The following KCNV2 variants were observed in gnomAD, a reference collection of about 807,000 sequenced individuals.
The protein encoded by KCNV2 is potassium voltage-gated channel subfamily V member 2.
Under a neutral mutation model 37.0 loss-of-function variants are expected in KCNV2, and 65 were observed. The observed-to-expected ratio is 1.76, with a 90% CI of 1.44 to 2.16. The LOEUF (loss-of-function observed/expected upper bound fraction) is 2.16, where lower values mean the gene tolerates loss of function less well. Among genes scored for constraint, KCNV2 ranks in the 30% most tolerant of loss-of-function variants. The pLI, the probability that KCNV2 is intolerant of heterozygous loss-of-function variation, is 0.00. For synonymous variants in KCNV2, 518 were observed against 328.6 expected (o/e 1.58, Z -6.23); for missense variants, 1,232 against 766.7 (o/e 1.61, Z -7.17).
chr9:2,722,982 G>A (rs567425676), intron 1 of KCNV2, among the ~76,000 whole-genome samples: 1 of 152,194 alleles, frequency 6.6e-6, no homozygotes, highest in African/African-American at 2.4e-5. Context: ...ATTGGCCAGA[G>A]TAAGTCACAT....
rs780625453 is a variant in KCNV2, at chr9:2,718,867, G to C, written c.1128G>C (p.Leu376Phe). ...VGSVGKVGQV[L>F]RVMRLMRIFR... ...GCGTGGGTAAGGTGGGTCAGGTGTT[G>C]CGCGTCATGCGCCTCATGCGCATCT... Residue 376 changes from leucine (L) to phenylalanine (F), a missense_variant, in exon 1 of 2, where the codon TTG becomes TTC. Leu to Phe is a conservative substitution (Grantham distance 22, BLOSUM62 0). Coordinates refer to ENST00000382082, the MANE Select transcript of KCNV2 (RefSeq NM_133497.4). The C allele has an allele frequency of 6.2e-7, 1 of 1,608,900 alleles. No homozygotes were observed. Among genetic ancestry groups the C allele is most frequent in the Non-Finnish European group, 8.5e-7 (1 of 1,179,974 alleles).
rs531689254 is a variant in KCNV2, at chr9:2,718,252, G to C, written c.513G>C (p.Leu171=). ...VYNFYLSGVL[L]VLDGLCPRRF... ...ATTTCTACCTGTCCGGGGTGCTGCTGGTGCTCGACGGGCTGTGTCCGCGCC... is the reference window on the plus strand; with the variant it reads ...ATTTCTACCTGTCCGGGGTGCTGCTCGTGCTCGACGGGCTGTGTCCGCGCC... The change falls in exon 1 of 2, where the codon CTG becomes CTC. Residue 171 remains leucine, a synonymous_variant. Transcript: ENST00000382082. 1.9e-6 allele frequency: 3 copies of C among 1,613,068 alleles called. No individual in the cohort carries two copies. Among genetic ancestry groups the C allele is most frequent in the East Asian group, 4.5e-5 (2 of 44,866 alleles).
intron 1 of KCNV2, 125 bp from the exon 2 acceptor site, chr9:2,729,321 G>A (rs113883189): frequency 3.2e-5 from 32 of 1,014,294 alleles, no homozygotes; most frequent in South Asian, 2.3e-4. Flanking sequence ...AGCAGGCTCC[G>A]TGGGAAGCCA....
In KCNV2 at chr9:2,717,628, G is replaced by C. The variant is rs2130859754; in HGVS notation, c.-112G>C. Reference sequence around the variant, plus strand: ...CCCCTAGCTGTGCTGGTCCGGGCTGGCCTCTCTAAGACAGTGCAGGCCACG... The same window carrying C: ...CCCCTAGCTGTGCTGGTCCGGGCTGCCCTCTCTAAGACAGTGCAGGCCACG... On this transcript the variant is annotated 5_prime_UTR_variant, in exon 1 of 2. Transcript: ENST00000382082. 7.2e-7 allele frequency: 1 copy of C among 1,393,920 alleles called. No individual in the cohort carries two copies. Among genetic ancestry groups the C allele is most frequent in the Non-Finnish European group, 1.0e-6 (1 of 989,716 alleles). The allele number at this position is 1,393,920 out of a possible 1,614,324, so 86.3% of individuals were successfully genotyped here.
At position 2,729,297 on chromosome 9, in the gene KCNV2, C is replaced by A. The variant is rs139281113; in HGVS notation, c.1357-149C>A. On this transcript the variant is annotated intron_variant, in intron 1 of 1. Transcript: ENST00000382082. ...GACACAGGTCCTAGAGGGAGTCTTC[C>A]TGGTACCTCCTAAAGCAGGCTCCGT... The A allele has an allele frequency of 1.2e-3, 1,009 of 811,714 alleles. 4 individuals carry two copies. The African/African-American group carries it at 0.015, about 12-fold the overall frequency. The allele number at this position is 811,714 out of a possible 1,614,324, so 50.3% of individuals were successfully genotyped here.
Position 2,717,554 on chromosome 9 carries a change from T to G in KCNV2, c.-186T>G. ...TGCGTTCAGACCCTGCAGGCTGGGC[T>G]GGCCTGCCCAGGACCTGAGAAGGGG... On this transcript the variant is annotated 5_prime_UTR_variant, in exon 1 of 2. Coordinates refer to ENST00000382082, the MANE Select transcript of KCNV2 (RefSeq NM_133497.4). 1.5e-6 allele frequency: 1 copy of G among 665,388 alleles called. No individual in the cohort carries two copies. Among genetic ancestry groups the G allele is most frequent in the Non-Finnish European group, 2.6e-6 (1 of 384,696 alleles). The allele number at this position is 665,388 out of a possible 1,614,324, so 41.2% of individuals were successfully genotyped here.
intron 1 of KCNV2, among the ~76,000 whole-genome samples, chr9:2,727,357 A>C (rs1819985387): frequency 6.6e-6 from 1 of 152,120 alleles, no homozygotes; most frequent in African/African-American, 2.4e-5. Flanking sequence ...TGGGTGCAGC[A>C]CACCAACATG....
At chr9:2,727,427 T>TA (rs113866059) in intron 1 of KCNV2, among the ~76,000 whole-genome samples, 15 of 151,616 alleles carry the variant, frequency 9.9e-5, no homozygotes, top group South Asian at 2.1e-4. Flanking sequence ...AGAACTTAAA[T>TA]AAAAAAAAGA....
Position 2,718,512 on chromosome 9 carries a change from C to T in KCNV2, c.773C>T (p.Ala258Val), listed in dbSNP as rs1301366734. Residue 258 changes from alanine (A) to valine (V), a missense_variant, in exon 1 of 2, where the codon GCC (alanine) becomes GTC (valine). Transcript: ENST00000382082. ...ATGGAGAAGCCATTCTCCTCGGTGG[C>T]CGCCAAGGCCATCGGGGTGGCCTCC... ...NLMEKPFSSV[A>V]AKAIGVASST... 5.6e-6 allele frequency: 9 copies of T among 1,610,664 alleles called. No individual in the cohort carries two copies. The highest frequency in any genetic ancestry group is 1.3e-5 in the African/African-American group (1 of 74,894).
rs1490064746 is a variant in KCNV2 at position 2,718,619 on chromosome 9, G to A, written c.880G>A (p.Gly294Ser). ...EMQQHSGQGE[G>S]GPDLRPILEH... is the part of the protein sequence containing the mutation. ...GCAGCAGCACTCGGGGCAGGGCGAGGGCGGCCCAGACCTGCGGCCCATCCT... is the reference window on the plus strand; with the variant it reads ...GCAGCAGCACTCGGGGCAGGGCGAGAGCGGCCCAGACCTGCGGCCCATCCT... Residue 294 changes from glycine (G) to serine (S), a missense_variant, in exon 1 of 2, where the codon GGC becomes AGC. Coordinates refer to ENST00000382082, the MANE Select transcript of KCNV2 (RefSeq NM_133497.4). 6.2e-7 allele frequency: 1 copy of A among 1,613,104 alleles called. No homozygotes were observed.
intron 1 of KCNV2, among the ~76,000 whole-genome samples, chr9:2,727,795 A>T (rs945211356): frequency 1.3e-5 from 2 of 152,196 alleles, no homozygotes; most frequent in Non-Finnish European, 2.9e-5. Context: ...TGTGAGGTAG[A>T]TACCACACAT....
intron 1 of KCNV2, among the ~76,000 whole-genome samples, chr9:2,724,157 G>A (rs2130865758): frequency 6.6e-6 from 1 of 152,082 alleles, no homozygotes; most frequent in African/African-American, 2.4e-5. Flanking sequence ...ACTACGGCAT[G>A]AACTCACTCC....
chr9:2,718,438 C>T lies in KCNV2; in HGVS notation c.699C>T (p.Phe233=), dbSNP rs982964210. 8 of 1,606,780 alleles carry T rather than the reference C, an allele frequency of 5.0e-6. No individual in the cohort carries two copies. Among genetic ancestry groups the T allele is most frequent in the South Asian group, 4.4e-5 (4 of 90,148 alleles). ...QAQVEEAEEL[F]RDMRFYGPQR... ...AGGTCGAGGAGGCGGAGGAACTCTT[C>T]CGCGACATGCGCTTCTACGGCCCGC... Residue 233 remains phenylalanine (F), a synonymous_variant, in exon 1 of 2, where the codon TTC becomes TTT. Coordinates refer to ENST00000382082, the MANE Select transcript of KCNV2 (RefSeq NM_133497.4).
In KCNV2 at chr9:2,718,054, C is replaced by T. The variant is rs767768019; in HGVS notation, c.315C>T (p.Gly105=). The part of the protein sequence containing the change: ...LLSTLNVNVG[G]HSYQLDYCEL... ...CCACGCTGAATGTGAACGTGGGTGGCCACAGCTACCAGCTGGACTACTGCG... is the reference window on the plus strand; with the variant it reads ...CCACGCTGAATGTGAACGTGGGTGGTCACAGCTACCAGCTGGACTACTGCG... Residue 105 remains glycine (G), a synonymous_variant, in exon 1 of 2, where the codon GGC becomes GGT. Transcript: ENST00000382082. The T allele has an allele frequency of 2.5e-6, 4 of 1,607,938 alleles. No homozygotes were observed. Among genetic ancestry groups the T allele is most frequent in the Non-Finnish European group, 3.4e-6 (4 of 1,176,872 alleles).
chr9:2,723,779 C>T (rs1020488251), intron 1 of KCNV2, among the ~76,000 whole-genome samples: 1 of 152,148 alleles, frequency 6.6e-6, no homozygotes, highest in African/African-American at 2.4e-5. Context: ...TCAGCTGTTC[C>T]CTCATGGGAG....
chr9:2,726,870 C>A (rs1425999633), intron 1 of KCNV2, among the ~76,000 whole-genome samples: 4 of 152,146 alleles, frequency 2.6e-5, no homozygotes, highest in African/African-American at 9.7e-5. Flanking sequence ...GTTAACTGCG[C>A]ATGGGAGGGA....
chr9:2,718,489 G>A lies in KCNV2; in HGVS notation c.750G>A (p.Met250Ile). The A allele has an allele frequency of 1.2e-6, 2 of 1,610,868 alleles. No homozygotes were observed. Among genetic ancestry groups the A allele is most frequent in the East Asian group, 2.2e-5 (1 of 44,758 alleles). ...GPQRRRLWNL[M>I]EKPFSSVAAK... ...AGCGGCGCCGCCTCTGGAACCTCAT[G>A]GAGAAGCCATTCTCCTCGGTGGCCG... The change falls in exon 1 of 2, where the codon ATG becomes ATA. Residue 250 changes from methionine (M) to isoleucine (I), a missense_variant. Met to Ile is a conservative substitution (Grantham distance 10). Transcript: ENST00000382082.
At chr9:2,729,343 A>T in intron 1 of KCNV2, 103 bp from the exon 2 acceptor site, 2 of 1,289,736 alleles carry the variant, frequency 1.6e-6, no homozygotes, top group South Asian at 2.4e-5. Context: ...TACACTTCCC[A>T]TGTGTACCCA....
At chr9:2,723,526 CCTGT>C (rs1819916352) in intron 1 of KCNV2, among the ~76,000 whole-genome samples, 1 of 152,136 alleles carries the variant, frequency 6.6e-6, no homozygotes, top group South Asian at 2.1e-4. Flanking sequence ...GTAGGATAGA[CCTGT>C]CTTTTTCATC....
Sources: allele counts gnomAD v4.1 joint callset (sites outside exome capture counted in the v4.1 genomes callset), GRCh38; gene constraint gnomAD v4.1.1; transcripts MANE v1.5; gene names NCBI Gene and HGNC (gene_info 2026-07-23, HGNC 2026-07-21).